The following SGCZ variants were observed in gnomAD, a reference collection of about 807,000 sequenced individuals.
SGCZ encodes the protein sarcoglycan zeta, also known as zeta-sarcoglycan.
A neutral mutation model predicts 41.3 loss-of-function variants in SGCZ; 40 were observed. The observed-to-expected ratio is 0.97, with a 90% CI of 0.75 to 1.26. The LOEUF is 1.26. SGCZ is among the 50% of genes most tolerant of loss of function. The pLI, the probability that SGCZ is intolerant of heterozygous loss-of-function variation, is 0.00. For missense variants in SGCZ, 552 were observed against 369.8 expected (o/e 1.49, Z -4.04); for synonymous variants, 206 against 137.5 (o/e 1.50, Z -3.49).
intron 1 of SGCZ, among the ~76,000 whole-genome samples, chr8:14,584,228 A>G (rs754484373): frequency 6.6e-6 from 1 of 152,184 alleles, no homozygotes; most frequent in Non-Finnish European, 1.5e-5. Flanking sequence ...AAGACAAGTA[A>G]AATTTAAATC....
At chr8:14,428,838 C>T (rs1189311689) in intron 2 of SGCZ, among the ~76,000 whole-genome samples, 2 of 152,136 alleles carry the variant, frequency 1.3e-5, no homozygotes, top group African/African-American at 4.8e-5. Context: ...GATATAAGTT[C>T]ACATTAAGAT....
intron 1 of SGCZ, among the ~76,000 whole-genome samples, chr8:14,665,298 T>C (rs985402144): frequency 2.6e-5 from 4 of 152,160 alleles, no homozygotes; most frequent in African/African-American, 9.7e-5. Context: ...TTGCTGAGAA[T>C]GATGGTTTCC....
intron 1 of SGCZ, among the ~76,000 whole-genome samples, chr8:14,606,048 T>A (rs1186811274): frequency 6.6e-6 from 1 of 152,148 alleles, no homozygotes; most frequent in Admixed American, 6.5e-5. Flanking sequence ...TATCTATAAG[T>A]CTTGCCGATT....
chr8:14,369,400 CT>C (rs1280780051), intron 2 of SGCZ, among the ~76,000 whole-genome samples: 4 of 151,672 alleles, frequency 2.6e-5, no homozygotes, highest in African/African-American at 7.3e-5. Context: ...ATAATAAAGG[CT>C]TTTTTTGGTC....
At chr8:15,178,260 A>T (rs1289216849) in intron 1 of SGCZ, among the ~76,000 whole-genome samples, 2 of 152,100 alleles carry the variant, frequency 1.3e-5, no homozygotes, top group Non-Finnish European at 2.9e-5. Flanking sequence ...TTTGATGATA[A>T]TGCAAGAGCA....
At chr8:14,190,276 T>C (rs1014165643) in intron 4 of SGCZ, among the ~76,000 whole-genome samples, 2 of 151,966 alleles carry the variant, frequency 1.3e-5, no homozygotes, top group Non-Finnish European at 2.9e-5. Context: ...CCTCCCAAAG[T>C]GCCAGGATTA....
chr8:14,734,979 G>A (rs906535169), intron 1 of SGCZ, among the ~76,000 whole-genome samples: 1 of 152,144 alleles, frequency 6.6e-6, no homozygotes, highest in East Asian at 1.9e-4. Context: ...TATCTATGTA[G>A]TGGAGTCTCA....
chr8:14,656,525 TCTTTCTTTTTTCTTTCTTTCC>T (rs1335499156), intron 1 of SGCZ, among the ~76,000 whole-genome samples: 6 of 149,980 alleles, frequency 4.0e-5, no homozygotes, highest in Non-Finnish European at 7.4e-5. Flanking sequence ...CCTTTTCTTT[TCTTTCTTTTTTCTTTCTTTCC>T]CTTTCTTTTT....
intron 1 of SGCZ, among the ~76,000 whole-genome samples, chr8:15,195,926 C>T (rs373463813): frequency 2.0e-5 from 2 of 101,200 alleles, no homozygotes; most frequent in African/African-American, 3.8e-5. Context: ...GAGACGGAGT[C>T]TCGCTCTGTC....
intron 1 of SGCZ, among the ~76,000 whole-genome samples, chr8:15,033,813 A>G (rs1803776412): frequency 6.6e-6 from 1 of 151,954 alleles, no homozygotes; most frequent in Non-Finnish European, 1.5e-5. Context: ...TACCAACCCA[A>G]TCAACAGATT....
chr8:14,651,417 A>T (rs1231017426), intron 1 of SGCZ, among the ~76,000 whole-genome samples: 2 of 152,090 alleles, frequency 1.3e-5, no homozygotes, highest in Non-Finnish European at 2.9e-5. Context: ...CGGAATTTTA[A>T]ATCATGCTGT....
At chr8:14,566,849 T>C (rs1804381351) in intron 1 of SGCZ, among the ~76,000 whole-genome samples, 1 of 152,188 alleles carries the variant, frequency 6.6e-6, no homozygotes, top group Non-Finnish European at 1.5e-5. Flanking sequence ...GAACCGGGGC[T>C]GCACACGGTG....
chr8:14,903,349 C>T (rs971365636), intron 1 of SGCZ, among the ~76,000 whole-genome samples: 1 of 152,076 alleles, frequency 6.6e-6, no homozygotes, highest in Non-Finnish European at 1.5e-5. Context: ...TCACCACTAA[C>T]TGCTGACAGA....
At chr8:14,106,737 A>T (rs537980419) in intron 6 of SGCZ, among the ~76,000 whole-genome samples, 1 of 152,304 alleles carries the variant, frequency 6.6e-6, no homozygotes, top group African/African-American at 2.4e-5. Context: ...CAAGACACCA[A>T]CTGTGTCTCT....
chr8:14,516,931 A>G (rs1429314636), intron 2 of SGCZ, among the ~76,000 whole-genome samples: 1 of 152,046 alleles, frequency 6.6e-6, no homozygotes, highest in Non-Finnish European at 1.5e-5. Context: ...GCCTTGAAAT[A>G]CTTGGAGGAT....
Position 14,548,288 on chromosome 8 carries a change from T to C in SGCZ, c.234+6444A>G, listed in dbSNP as rs561249996. On this transcript the variant is annotated intron_variant, in intron 2 of 7. Transcript: ENST00000382080. ...CCACTGCTGAAAGGTTAGTTGGAGA[T>C]GGTTTTAGCAGCCAGCAACATGACG... 2.1e-4 allele frequency among the ~76,000 whole-genome samples: 32 copies of C among 152,210 alleles called. No homozygotes were observed. In the South Asian group the frequency reaches 6.6e-3, roughly 32 times the overall value.
chr8:14,213,327 G>C (rs989281669), intron 4 of SGCZ, among the ~76,000 whole-genome samples: 2 of 152,056 alleles, frequency 1.3e-5, no homozygotes, highest in South Asian at 2.1e-4. Flanking sequence ...ATTACCTTTA[G>C]GGGAACAACA....
At chr8:14,095,355 T>G (rs1432495619) in intron 7 of SGCZ, among the ~76,000 whole-genome samples, 3 of 152,206 alleles carry the variant, frequency 2.0e-5, no homozygotes, top group African/African-American at 4.8e-5. Context: ...TAGCCAGTTT[T>G]CCCAACACCA....
intron 4 of SGCZ, among the ~76,000 whole-genome samples, chr8:14,222,746 A>C (rs1346574144): frequency 7.0e-6 from 1 of 142,984 alleles, no homozygotes; most frequent in Non-Finnish European, 1.5e-5. Flanking sequence ...AATTTTACCT[A>C]CCTAACTTAT....
Sources: allele counts gnomAD v4.1 joint callset (sites outside exome capture counted in the v4.1 genomes callset), GRCh38; gene constraint gnomAD v4.1.1; transcripts MANE v1.5; gene names NCBI Gene and HGNC (gene_info 2026-07-23, HGNC 2026-07-21).